METTL15: variants seen among roughly 807,000 people sequenced by gnomAD.
METTL15 encodes the protein methyltransferase 15, mitochondrial 12S rRNA N4-cytidine.
METTL15 carries 34 observed loss-of-function variants against 38.3 expected under a neutral mutation model. The ratio of observed to expected loss-of-function variants is 0.89; its 90% confidence interval spans 0.68 to 1.18. The LOEUF (loss-of-function observed/expected upper bound fraction) is 1.18. METTL15 is among the 50% of genes most tolerant of loss of function. The probability of loss-of-function intolerance (pLI) is 0.00; values close to 1 mark genes in which losing one functional copy is unlikely to be tolerated. For missense variants in METTL15, 438 were observed against 498.4 expected (o/e 0.88, Z 1.15); for synonymous variants, 162 against 170.9 (o/e 0.95, Z 0.41).
chr11:28,158,578 T>C (rs1209205488), intron 3 of METTL15, among the ~76,000 whole-genome samples: 2 of 152,176 alleles, frequency 1.3e-5, no homozygotes, highest in African/African-American at 4.8e-5. Flanking sequence ...AGGTTTGTCC[T>C]CACTGGAATA....
At chr11:28,173,116 A>G (rs894863366) in intron 3 of METTL15, among the ~76,000 whole-genome samples, 3 of 152,230 alleles carry the variant, frequency 2.0e-5, no homozygotes, top group African/African-American at 7.2e-5. Flanking sequence ...TTTAATATAG[A>G]TTTTGTTTTT....
At chr11:28,527,420 T>G (rs752591695), downstream of METTL15, among the ~76,000 whole-genome samples, 25 of 152,210 alleles carry the variant, frequency 1.6e-4, no homozygotes, top group Non-Finnish European at 3.7e-4. Context: ...TTATCTCACT[T>G]GACCATTCAT....
intron 6 of METTL15, among the ~76,000 whole-genome samples, chr11:28,463,412 T>C (rs998267558): frequency 2.7e-4 from 41 of 152,272 alleles, no homozygotes; most frequent in African/African-American, 9.4e-4. Context: ...AATTTTACTT[T>C]AGAATGATTA....
intron 3 of METTL15, among the ~76,000 whole-genome samples, chr11:28,182,631 C>T (rs1851334368): frequency 6.6e-6 from 1 of 152,114 alleles, no homozygotes; most frequent in Non-Finnish European, 1.5e-5. Context: ...GTTTTGGTAA[C>T]AGTTCCATGC....
At position 28,498,303 on chromosome 11, in the gene METTL15, C is replaced by T. The variant is rs760878675; in HGVS notation, c.*425-28175C>T. Among the ~76,000 whole-genome samples, 12 of 152,086 alleles carry T rather than the reference C, an allele frequency of 7.9e-5. No individual in the cohort carries two copies. The South Asian group carries it at 1.2e-3, about 16-fold the overall frequency. On this transcript the variant is annotated intron_variant and NMD_transcript_variant, in intron 6 of 7. Coordinates refer to the METTL15 transcript ENST00000532947. Reference sequence around the variant, plus strand: ...CCTCCGGAGTAGCTGGGACTATAGGCGCCCACCACCACGCCCGGCTAATTT... The same window carrying T: ...CCTCCGGAGTAGCTGGGACTATAGGTGCCCACCACCACGCCCGGCTAATTT...
intron 6 of METTL15, among the ~76,000 whole-genome samples, chr11:28,433,381 G>C (rs1850952873): frequency 6.6e-6 from 1 of 152,156 alleles, no homozygotes; most frequent in African/African-American, 2.4e-5. Flanking sequence ...AAGAATGAAT[G>C]CTTTCAAGTC....
intron 6 of METTL15, among the ~76,000 whole-genome samples, chr11:28,498,184 C>T (rs11030352): frequency 0.96 from 145,545 of 152,182 alleles, 69,920 homozygotes; most frequent in East Asian, 1. Context: ...ACATGAATTC[C>T]GGGGGCATTT....
chr11:28,365,359 A>C (rs555022499), intron 5 of METTL15, among the ~76,000 whole-genome samples: 24 of 152,164 alleles, frequency 1.6e-4, no homozygotes, highest in Admixed American at 1.4e-3. Context: ...TGAACTTGCT[A>C]TTGGCCTGTT....
chr11:28,347,823 C>A (rs1850008606), intron 3 of METTL15, among the ~76,000 whole-genome samples: 1 of 152,188 alleles, frequency 6.6e-6, no homozygotes, highest in Non-Finnish European at 1.5e-5. Flanking sequence ...AAGACCATAT[C>A]TAAGTTATCT....
Position 28,110,562 on chromosome 11 carries a change from C to T in METTL15, c.-18+161C>T, listed in dbSNP as rs77363066. On this transcript the variant is annotated intron_variant, in intron 2 of 6. Coordinates refer to ENST00000407364, the MANE Select transcript of METTL15 (RefSeq NM_001113528.2). ...GCCTTCAACCTGGGTTTGGAAGTTT[C>T]CGAATAGTTTTTCCTCGTCAGAGCG... is the stretch of plus-strand genomic sequence containing the variant. Among the ~76,000 whole-genome samples the T allele has an allele frequency of 9.5e-4, 145 of 152,304 alleles. 2 individuals carry two copies. In the East Asian group the frequency reaches 0.023, roughly 24 times the overall value.
intron 5 of METTL15, among the ~76,000 whole-genome samples, chr11:28,408,000 T>C (rs1050741171): frequency 3.3e-5 from 5 of 152,152 alleles, no homozygotes; most frequent in Admixed American, 6.5e-5. Context: ...ATTGTGGCCT[T>C]TGCAGGGACA....
chr11:28,266,936 G>T (rs778858807), intron 4 of METTL15, among the ~76,000 whole-genome samples: 16 of 152,070 alleles, frequency 1.1e-4, no homozygotes, highest in Non-Finnish European at 1.9e-4. Context: ...AAGGTGGGTG[G>T]ATCACTTGAG....
At chr11:28,188,881 A>AGGAAACT (rs1851602584) in intron 3 of METTL15, among the ~76,000 whole-genome samples, 1 of 151,344 alleles carries the variant, frequency 6.6e-6, no homozygotes, top group African/African-American at 2.4e-5. Context: ...TATTTCCTAA[A>AGGAAACT]GGAAACTGTG....
downstream of METTL15, among the ~76,000 whole-genome samples, chr11:28,528,012 T>C (rs550560090): frequency 5.0e-4 from 76 of 152,316 alleles, no homozygotes; most frequent in African/African-American, 1.8e-3. Context: ...GGGAAGAATT[T>C]GTAAAAAAAT....
chr11:28,393,525 G>T (rs185825590), intron 5 of METTL15, among the ~76,000 whole-genome samples: 1 of 152,138 alleles, frequency 6.6e-6, no homozygotes, highest in African/African-American at 2.4e-5. Flanking sequence ...CTGGCTGGAC[G>T]ATCTAGCTTC....
intron 3 of METTL15, among the ~76,000 whole-genome samples, chr11:28,210,125 A>G (rs531862053): frequency 6.6e-6 from 1 of 152,062 alleles, no homozygotes; most frequent in African/African-American, 2.4e-5. Flanking sequence ...TGACGTGACT[A>G]TTCTCTTTAG....
chr11:28,374,428 T>C (rs534669895), intron 5 of METTL15, among the ~76,000 whole-genome samples: 134 of 151,502 alleles, frequency 8.8e-4, no homozygotes, highest in Non-Finnish European at 1.7e-3. Context: ...TTTGAAGCAA[T>C]TGTGAATGGG....
chr11:28,154,336 T>C lies in METTL15; in HGVS notation c.270+40732T>C, dbSNP rs555518863. ...ATAGTATAATACCTACCTTATAGGGTAGTAAATTCTTGGTAAATCTTAACA... is the reference window on the plus strand; with the variant it reads ...ATAGTATAATACCTACCTTATAGGGCAGTAAATTCTTGGTAAATCTTAACA... On this transcript the variant is annotated intron_variant, in intron 3 of 6. Transcript: ENST00000407364. Among the ~76,000 whole-genome samples, 10 of 152,242 alleles carry C rather than the reference T, an allele frequency of 6.6e-5. No homozygotes were observed. The East Asian group carries it at 1.9e-3, about 29-fold the overall frequency.
At chr11:28,240,839 A>T (rs1399408784) in intron 4 of METTL15, among the ~76,000 whole-genome samples, 4 of 152,330 alleles carry the variant, frequency 2.6e-5, no homozygotes, top group African/African-American at 9.6e-5. Flanking sequence ...TTTAATAAAG[A>T]TTAAAAAATT....
Sources: gnomAD v4.1 joint callset for allele counts (sites outside exome capture counted in the v4.1 genomes callset) on GRCh38, gnomAD v4.1.1 for gene constraint, MANE v1.5 for transcripts, NCBI Gene and HGNC (gene_info 2026-07-23, HGNC 2026-07-21) for gene names.